The following SOS2 variants were observed in gnomAD, a reference collection of about 807,000 sequenced individuals.
SOS2 encodes son of sevenless homolog 2.
A neutral mutation model predicts 148.2 loss-of-function variants in SOS2; 65 were observed. That is an observed-to-expected ratio of 0.44 (90% CI 0.36 to 0.54). The LOEUF is 0.54. Among genes scored for constraint, SOS2 ranks in the 20% least tolerant of loss-of-function variants. The pLI is 0.00. For synonymous variants in SOS2, 539 were observed against 537.1 expected (o/e 1.00, Z -0.05); for missense variants, 1,341 against 1,590.2 (o/e 0.84, Z 2.67).
Position 50,159,901 on chromosome 14 carries a change from A to G in SOS2, c.1382T>C (p.Leu461Pro). 1 of 1,614,208 alleles carries G rather than the reference A, an allele frequency of 6.2e-7. No homozygotes were observed. ...ACAACTGATCATTAAGCCATCAAAC[A>G]GAAAAATATGCCGTTCATGTTTGGC... ...IGAKHERHIF[L>P]FDGLMISCKP... Residue 461 changes from leucine (L) to proline (P), a missense_variant, in exon 10 of 23, where the codon CTG becomes CCG. By Grantham distance (98) the Leu-to-Pro change is moderately conservative. Transcript: ENST00000216373.
chr14:50,172,659 G>A (rs1036124670), intron 8 of SOS2, among the ~76,000 whole-genome samples: 5 of 151,714 alleles, frequency 3.3e-5, no homozygotes, highest in South Asian at 4.2e-4. Context: ...ATGAGCCACC[G>A]CACCTGGCTC....
At chr14:50,215,753 C>T (rs1887025323) in intron 1 of SOS2, among the ~76,000 whole-genome samples, 1 of 152,210 alleles carries the variant, frequency 6.6e-6, no homozygotes, top group African/African-American at 2.4e-5. Flanking sequence ...AAAATAGTCT[C>T]ATACTATAAA....
At chr14:50,127,432 G>A (rs1030448369) in intron 21 of SOS2, among the ~76,000 whole-genome samples, 2 of 152,090 alleles carry the variant, frequency 1.3e-5, no homozygotes, top group Admixed American at 6.6e-5. Flanking sequence ...GTGAGCCACC[G>A]CGCCCGGCCC....
intron 12 of SOS2, 28 bp downstream of exon 12, chr14:50,156,971 A>T (rs753416744): frequency 1.3e-5 from 17 of 1,323,052 alleles, no homozygotes; most frequent in Non-Finnish European, 1.7e-5. Flanking sequence ...GTGTATATAT[A>T]TATATATAAA....
At chr14:50,183,873 G>A (rs144714167) in intron 5 of SOS2, among the ~76,000 whole-genome samples, 3 of 152,270 alleles carry the variant, frequency 2.0e-5, no homozygotes, top group East Asian at 3.9e-4. Flanking sequence ...TTAAAGACGG[G>A]TATGTTCTGA....
intron 4 of SOS2, among the ~76,000 whole-genome samples, chr14:50,193,340 C>G (rs1886212661): frequency 6.6e-6 from 1 of 151,998 alleles, no homozygotes; most frequent in Non-Finnish European, 1.5e-5. Context: ...CTGTGCCTGG[C>G]CTTTACCTTT....
intron 21 of SOS2, among the ~76,000 whole-genome samples, chr14:50,127,134 TCTC>T (rs1178564809): frequency 2.2e-5 from 3 of 137,454 alleles, no homozygotes; most frequent in Non-Finnish European, 4.5e-5. Context: ...ACTAAGAAGG[TCTC>T]CTTTTTTTTT....
intron 11 of SOS2, 127 bp downstream of exon 11, chr14:50,158,438 C>A: frequency 1.7e-6 from 1 of 577,238 alleles, no homozygotes; most frequent in Non-Finnish European, 3.1e-6. Flanking sequence ...AGTAATACTG[C>A]CAATTTAATG....
chr14:50,211,543 A>G (rs1886870946), intron 1 of SOS2, among the ~76,000 whole-genome samples: 4 of 150,740 alleles, frequency 2.7e-5, no homozygotes, highest in Admixed American at 6.6e-5. Context: ...GAGAACATGC[A>G]GCATTTGTTT....
Position 50,231,343 on chromosome 14 carries a change from C to G in SOS2, c.-60G>C. Reference sequence around the variant, plus strand: ...CCCGCGGGCCGGGCCGGTGGCCTGACAGGCAGGGCGCGGGCCGCCTCGCCT... The same window carrying G: ...CCCGCGGGCCGGGCCGGTGGCCTGAGAGGCAGGGCGCGGGCCGCCTCGCCT... On this transcript the variant is annotated 5_prime_UTR_variant, in exon 1 of 23. Transcript: ENST00000216373. 3 of 862,612 alleles carry G rather than the reference C, an allele frequency of 3.5e-6. No individual in the cohort carries two copies. In the East Asian group the frequency reaches 1.4e-4, roughly 41 times the overall value. The allele number at this position is 862,612 out of a possible 1,614,324, so 53.4% of individuals were successfully genotyped here.
chr14:50,171,682 C>CA (rs57389741), intron 8 of SOS2, among the ~76,000 whole-genome samples: 37 of 103,162 alleles, frequency 3.6e-4, no homozygotes, highest in Non-Finnish European at 5.5e-4. Flanking sequence ...AATTCCATCT[C>CA]AAAAAAAAAA....
At chr14:50,160,379 C>CTTTTTTTTTTTTTTTTTTTTTTTTTTTTT (rs200021758) in intron 9 of SOS2, among the ~76,000 whole-genome samples, 2 of 78,852 alleles carry the variant, frequency 2.5e-5, no homozygotes, top group Non-Finnish European at 4.9e-5. Context: ...CAATGCTAAT[C>CTTTTTTTTTTTTTTTTTTTTTTTTTTTTT]TTTTTTTTTT....
At chr14:50,139,638 C>T (rs1884203990) in intron 17 of SOS2, among the ~76,000 whole-genome samples, 1 of 152,094 alleles carries the variant, frequency 6.6e-6, no homozygotes, top group Admixed American at 6.5e-5. Context: ...AGAAAGCAAA[C>T]ACTGTAGATG....
At chr14:50,221,846 A>G (rs919541688) in intron 1 of SOS2, among the ~76,000 whole-genome samples, 7 of 152,096 alleles carry the variant, frequency 4.6e-5, no homozygotes, top group African/African-American at 1.7e-4. Context: ...AATAATAATA[A>G]TAATAATTCA....
intron 5 of SOS2, among the ~76,000 whole-genome samples, chr14:50,185,855 C>T (rs1367475932): frequency 6.6e-6 from 1 of 152,032 alleles, no homozygotes; most frequent in South Asian, 2.1e-4. Flanking sequence ...AATGTAATAA[C>T]CTAATATCCT....
intron 8 of SOS2, among the ~76,000 whole-genome samples, chr14:50,166,698 T>C (rs898477251): frequency 1.3e-5 from 2 of 152,218 alleles, no homozygotes; most frequent in African/African-American, 2.4e-5. Context: ...CCTGCTTTTC[T>C]TGAAACTCCT....
At chr14:50,222,878 T>A (rs1336985055) in intron 1 of SOS2, among the ~76,000 whole-genome samples, 1 of 152,156 alleles carries the variant, frequency 6.6e-6, no homozygotes, top group Non-Finnish European at 1.5e-5. Flanking sequence ...ATCTCACTTA[T>A]CTCTTTGTGT....
intron 1 of SOS2, among the ~76,000 whole-genome samples, chr14:50,225,250 T>C (rs1053485950): frequency 6.6e-6 from 1 of 152,156 alleles, no homozygotes; most frequent in Non-Finnish European, 1.5e-5. Flanking sequence ...CTACTGCACC[T>C]GGCCCATGGA....
chr14:50,132,223 A>G (rs1240396097), intron 19 of SOS2, among the ~76,000 whole-genome samples: 7 of 152,094 alleles, frequency 4.6e-5, no homozygotes, highest in African/African-American at 1.7e-4. Flanking sequence ...AAATCAGTCA[A>G]GAGCAAAGGT....
Sources: gnomAD v4.1 joint callset for allele counts (sites outside exome capture counted in the v4.1 genomes callset) on GRCh38, gnomAD v4.1.1 for gene constraint, MANE v1.5 for transcripts, NCBI Gene and HGNC (gene_info 2026-07-23, HGNC 2026-07-21) for gene names.